The following CDYL2 variants were observed in gnomAD, a reference collection of about 807,000 sequenced individuals.
CDYL2 encodes chromodomain Y-like protein 2.
A neutral mutation model predicts 49.4 loss-of-function variants in CDYL2; 23 were observed. That is an observed-to-expected ratio of 0.47 (90% CI 0.34 to 0.66). The LOEUF (loss-of-function observed/expected upper bound fraction) is 0.66. CDYL2 is among the 30% of genes least tolerant of loss of function. The pLI is 0.01. For missense variants in CDYL2, 678 were observed against 656.4 expected (o/e 1.03, Z -0.36); for synonymous variants, 360 against 268.8 (o/e 1.34, Z -3.32).
At chr16:80,631,813 G>A (rs943079898) in intron 3 of CDYL2, among the ~76,000 whole-genome samples, 16 of 152,146 alleles carry the variant, frequency 1.1e-4, no homozygotes, top group Non-Finnish European at 2.9e-5. Context: ...AGTCATCAGG[G>A]AAATGCAAAC....
intron 1 of CDYL2, among the ~76,000 whole-genome samples, chr16:80,695,834 C>A (rs1426631819): frequency 1.3e-5 from 2 of 152,048 alleles, no homozygotes; most frequent in Non-Finnish European, 2.9e-5. Flanking sequence ...ACTCTCAGCA[C>A]GAGACAGATC....
At chr16:80,693,969 G>C (rs1427401273) in intron 1 of CDYL2, among the ~76,000 whole-genome samples, 1 of 152,210 alleles carries the variant, frequency 6.6e-6, no homozygotes, top group African/African-American at 2.4e-5. Context: ...AGTAACTTTA[G>C]AAAACTGTGT....
In CDYL2 at chr16:80,601,111, GCA is replaced by G. The variant is rs1284522413; in HGVS notation, c.*3275_*3276del. 1 of 152,178 alleles carries G rather than the reference GCA, an allele frequency of 6.6e-6. No homozygotes were observed. The highest frequency in any genetic ancestry group is 2.4e-5 in the African/African-American group (1 of 41,438). 9.4% of individuals were successfully genotyped at this position (152,178 alleles called of 1,614,324 possible). On this transcript the variant is annotated 3_prime_UTR_variant, in exon 7 of 7. Transcript: ENST00000570137. ...AGACATTATTTCTATGCCGGAAGGG[GCA>G]CATTAAGTACATCAGCATTAGGCTG...
intron 1 of CDYL2, among the ~76,000 whole-genome samples, chr16:80,796,380 G>A (rs190971277): frequency 3.9e-4 from 59 of 152,284 alleles, no homozygotes; most frequent in Non-Finnish European, 6.9e-4. Flanking sequence ...CTGGAGACTG[G>A]AGCCAGCCAA....
chr16:80,800,620 T>C (rs547633221), intron 1 of CDYL2, among the ~76,000 whole-genome samples: 29 of 151,742 alleles, frequency 1.9e-4, no homozygotes, highest in African/African-American at 7.0e-4. Context: ...GAGAGAGAAC[T>C]GAGCCACCCC....
intron 1 of CDYL2, among the ~76,000 whole-genome samples, chr16:80,802,325 A>G (rs1211699905): frequency 6.6e-6 from 1 of 152,216 alleles, no homozygotes; most frequent in Non-Finnish European, 1.5e-5. Context: ...CAATTCGTAG[A>G]AAACCATGAT....
intron 1 of CDYL2, among the ~76,000 whole-genome samples, chr16:80,693,542 T>G (rs1429224230): frequency 6.6e-6 from 1 of 152,132 alleles, no homozygotes; most frequent in Non-Finnish European, 1.5e-5. Context: ...ACTATATTCT[T>G]CAACAAGAAA....
At chr16:80,734,077 G>A (rs1905427638) in intron 1 of CDYL2, among the ~76,000 whole-genome samples, 1 of 152,140 alleles carries the variant, frequency 6.6e-6, no homozygotes, top group Non-Finnish European at 1.5e-5. Context: ...AAGGAATTTA[G>A]TAATACCAAG....
At chr16:80,617,307 C>T (rs78339868) in intron 4 of CDYL2, among the ~76,000 whole-genome samples, 2,704 of 152,286 alleles carry the variant, frequency 0.018, 77 homozygotes, top group African/African-American at 0.061. Context: ...CTACCAGGAG[C>T]GTGTCCCAAG....
chr16:80,604,350 G>A lies in CDYL2; in HGVS notation c.*38C>T, dbSNP rs1481535172. The A allele has an allele frequency of 6.2e-6, 10 of 1,612,014 alleles. No individual in the cohort carries two copies. The highest frequency in any genetic ancestry group is 8.5e-6 in the Non-Finnish European group (10 of 1,179,040). ...TGTGCTCTGGTTTCCGAAACACAGG[G>A]CAGAGCTGGAAGTTGGGGGCCCGTG... On this transcript the variant is annotated 3_prime_UTR_variant, in exon 7 of 7. Transcript: ENST00000570137.
chr16:80,625,181 A>C (rs576574547), intron 3 of CDYL2, among the ~76,000 whole-genome samples: 1 of 152,382 alleles, frequency 6.6e-6, no homozygotes, highest in East Asian at 1.9e-4. Flanking sequence ...ACTGGGTTAA[A>C]ATCAAGTTGT....
intron 1 of CDYL2, among the ~76,000 whole-genome samples, chr16:80,729,590 A>C (rs1016007985): frequency 2.0e-5 from 3 of 152,146 alleles, no homozygotes; most frequent in African/African-American, 4.8e-5. Context: ...TCAGCTCTGC[A>C]CCAAGCAGAC....
rs1236069981 is a variant in CDYL2 at position 80,684,582 on chromosome 16, C to A, written c.572G>T (p.Gly191Val). ...TGTAGCGTGATTCACGTCACATTCA[C>A]CCATATCTTGCTCTCCAACATGATC... ...LNDHVGEQDM[G>V]ECDVNHATLA... Residue 191 changes from glycine to valine, a missense_variant, in exon 2 of 7, where the codon GGT (glycine) becomes GTT (valine). By Grantham distance (109) the Gly-to-Val change is moderately radical. Transcript: ENST00000570137. The A allele has an allele frequency of 6.2e-7, 1 of 1,614,068 alleles. No individual in the cohort carries two copies. Among genetic ancestry groups the A allele is most frequent in the African/African-American group, 1.3e-5 (1 of 74,936 alleles).
chr16:80,745,757 T>C (rs1199653380), intron 1 of CDYL2, among the ~76,000 whole-genome samples: 1 of 152,230 alleles, frequency 6.6e-6, no homozygotes, highest in Non-Finnish European at 1.5e-5. Flanking sequence ...TGCTCTGTGA[T>C]GCCTCTGGAG....
chr16:80,722,784 T>G (rs149070974), intron 1 of CDYL2, among the ~76,000 whole-genome samples: 69 of 152,288 alleles, frequency 4.5e-4, no homozygotes, highest in African/African-American at 1.5e-3. Flanking sequence ...CCATGCACTC[T>G]TCAATTTTAT....
chr16:80,624,927 C>A (rs7198953), intron 3 of CDYL2, among the ~76,000 whole-genome samples: 1 of 151,810 alleles, frequency 6.6e-6, no homozygotes, highest in Non-Finnish European at 1.5e-5. Context: ...GAAAATATAA[C>A]GGAGAGATTA....
In CDYL2 at chr16:80,702,929, T is replaced by C. The variant is rs7185866; in HGVS notation, c.25-17800A>G. Among the ~76,000 whole-genome samples the C allele has an allele frequency of 4.3e-3, 661 of 152,308 alleles. 6 individuals carry two copies. Among genetic ancestry groups the C allele is most frequent in the African/African-American group, 0.015 (643 of 41,554 alleles). ...TCAACAGAGCTCACCCACAGAAGCC[T>C]AAGAAATAATCAGTTGTTATTGCTT... On this transcript the variant is annotated intron_variant, in intron 1 of 6. Transcript: ENST00000570137.
At chr16:80,778,447 T>C (rs1188384952) in intron 1 of CDYL2, among the ~76,000 whole-genome samples, 2 of 151,894 alleles carry the variant, frequency 1.3e-5, no homozygotes, top group African/African-American at 4.8e-5. Flanking sequence ...AAGCATGATG[T>C]GACTATCTTA....
chr16:80,777,001 T>A (rs901817642), intron 1 of CDYL2, among the ~76,000 whole-genome samples: 2 of 151,968 alleles, frequency 1.3e-5, no homozygotes, highest in Non-Finnish European at 2.9e-5. Flanking sequence ...GTTTTTTTTT[T>A]AATAGGGACG....
Sources: gnomAD v4.1 joint callset for allele counts (sites outside exome capture counted in the v4.1 genomes callset) on GRCh38, gnomAD v4.1.1 for gene constraint, MANE v1.5 for transcripts, NCBI Gene and HGNC (gene_info 2026-07-23, HGNC 2026-07-21) for gene names.